Variants in PCLO observed in about 807,000 individuals in gnomAD.
PCLO encodes piccolo presynaptic cytomatrix protein.
A neutral mutation model predicts 427.5 loss-of-function variants in PCLO; 82 were observed. The ratio of observed to expected loss-of-function variants is 0.19; its 90% CI spans 0.16 to 0.23. The LOEUF is 0.23. Ranked by LOEUF, PCLO falls within the 10% of genes least tolerant of loss-of-function variation. The pLI, the probability that PCLO is intolerant of heterozygous loss-of-function variation, is 1.00. For synonymous variants in PCLO, 2,357 were observed against 2,155.4 expected (o/e 1.09, Z -2.59); for missense variants, 6,239 against 6,115.9 (o/e 1.02, Z -0.67).
At chr7:82,799,230 T>C (rs1199941897) in intron 22 of PCLO, among the ~76,000 whole-genome samples, 1 of 152,194 alleles carries the variant, frequency 6.6e-6, no homozygotes, top group Non-Finnish European at 1.5e-5. Flanking sequence ...TAGCTGCTAA[T>C]TGTATAGATG....
chr7:82,984,383 C>A (rs955891255), intron 3 of PCLO, among the ~76,000 whole-genome samples: 1 of 148,540 alleles, frequency 6.7e-6, no homozygotes, highest in Middle Eastern at 3.3e-3. Context: ...TGTCTATTCA[C>A]CTTAGTTTAT....
At chr7:82,849,014 C>A in intron 10 of PCLO, 1 of 256,254 alleles carries the variant, frequency 3.9e-6, no homozygotes, top group Non-Finnish European at 8.3e-6. Flanking sequence ...AAATAAAGCA[C>A]TTTTTTTAAA....
At chr7:82,937,901 T>C (rs995321719) in intron 6 of PCLO, among the ~76,000 whole-genome samples, 2 of 151,902 alleles carry the variant, frequency 1.3e-5, no homozygotes, top group East Asian at 3.8e-4. Flanking sequence ...GTCTCCCTTT[T>C]TAAACTCATG....
chr7:83,023,895 AGC>A (rs2116077107), intron 3 of PCLO, among the ~76,000 whole-genome samples: 1 of 152,352 alleles, frequency 6.6e-6, no homozygotes, highest in African/African-American at 2.4e-5. Context: ...AAATTCCAAT[AGC>A]CATTCCTAGA....
chr7:82,841,721 G>C (rs895925621), intron 13 of PCLO, among the ~76,000 whole-genome samples: 32 of 151,898 alleles, frequency 2.1e-4, no homozygotes, highest in African/African-American at 6.0e-4. Context: ...TTTTCATTTT[G>C]GTAAGCCGGC....
chr7:82,794,450 A>ATTTTTTTTGTTTTTTTTTTTTTTTTT (rs141105612), intron 22 of PCLO, among the ~76,000 whole-genome samples: 1 of 62,030 alleles, frequency 1.6e-5, no homozygotes, highest in Non-Finnish European at 3.9e-5. Context: ...TAGTTCATAA[A>ATTTTTTTTGTTTTTTTTTTTTTTTTT]TTTTTTTTCT....
At chr7:82,763,302 C>G (rs1790468068) in intron 22 of PCLO, among the ~76,000 whole-genome samples, 1 of 152,014 alleles carries the variant, frequency 6.6e-6, no homozygotes, top group Non-Finnish European at 1.5e-5. Flanking sequence ...TTACTTTGCA[C>G]TACCAATATA....
At chr7:82,761,542 A>T (rs760982578) in intron 22 of PCLO, 49 bp from the exon 23 acceptor site, 28 of 1,391,744 alleles carry the variant, frequency 2.0e-5, no homozygotes, top group Admixed American at 3.6e-5. Context: ...GCCATATATG[A>T]AATGTTTAGT....
chr7:82,823,457 T>C lies in PCLO; in HGVS notation c.14597-768A>G, dbSNP rs902616218. On this transcript the variant is annotated intron_variant, in intron 19 of 24. Coordinates refer to ENST00000333891, the MANE Select transcript of PCLO (RefSeq NM_033026.6). Reference sequence around the variant, plus strand: ...AGTCCAATATAAAAATTATATTTAATACTTACAAATAGTTCAGTATATCTA... The same window carrying C: ...AGTCCAATATAAAAATTATATTTAACACTTACAAATAGTTCAGTATATCTA... 1.4e-4 allele frequency among the ~76,000 whole-genome samples: 21 copies of C among 152,264 alleles called. 1 individual carries two copies. Among genetic ancestry groups the C allele is most frequent in the African/African-American group, 4.8e-4 (20 of 41,560 alleles).
Position 83,093,492 on chromosome 7 carries a change from A to ATATATAT in PCLO, c.3300+40757_3300+40758insATATATA. Among the ~76,000 whole-genome samples, 8 of 59,320 alleles carry ATATATAT rather than the reference A, an allele frequency of 1.3e-4. No individual in the cohort carries two copies. In the South Asian group the frequency reaches 1.8e-3, roughly 13 times the overall value. The allele number at this position is 59,320 out of a possible 152,430, so 38.9% of individuals were successfully genotyped here. A position where few individuals can be genotyped will look rare whatever the true frequency, so the allele number is the denominator to read the frequency against. On this transcript the variant is annotated intron_variant, in intron 3 of 24. Coordinates refer to ENST00000333891, the MANE Select transcript of PCLO (RefSeq NM_033026.6). ...TGTGTGTATAGATATATATATATATATTTTTTTTTTTTTTTTTTGAGATGG... is the reference window on the plus strand; with the variant it reads ...TGTGTGTATAGATATATATATATATATATATATTTTTTTTTTTTTTTTTTTGAGATGG...
chr7:82,874,277 T>C (rs1793315596), intron 10 of PCLO, among the ~76,000 whole-genome samples: 1 of 152,080 alleles, frequency 6.6e-6, no homozygotes, highest in African/African-American at 2.4e-5. Flanking sequence ...AAGGTCAAGG[T>C]ACACAATAGA....
chr7:82,863,672 T>A (rs1793021490), intron 10 of PCLO, among the ~76,000 whole-genome samples: 1 of 151,994 alleles, frequency 6.6e-6, no homozygotes, highest in African/African-American at 2.4e-5. Flanking sequence ...GCCAACTGAA[T>A]AGAATAAAAC....
chr7:82,847,081 A>T, intron 11 of PCLO, 58 bp downstream of exon 11: 1 of 859,596 alleles, frequency 1.2e-6, no homozygotes, highest in South Asian at 1.5e-5. Context: ...AACAATTTTA[A>T]ATTAAAAGAG....
chr7:82,779,139 T>C (rs1790817059), intron 22 of PCLO, among the ~76,000 whole-genome samples: 1 of 152,160 alleles, frequency 6.6e-6, no homozygotes, highest in Non-Finnish European at 1.5e-5. Flanking sequence ...ACAGATATTA[T>C]GAGTATTTTG....
At chr7:83,043,912 C>A (rs201281247) in intron 3 of PCLO, among the ~76,000 whole-genome samples, 1 of 94,910 alleles carries the variant, frequency 1.1e-5, no homozygotes, top group Non-Finnish European at 2.0e-5. Context: ...CTATTATTTT[C>A]TTTTTTTTTT....
intron 9 of PCLO, among the ~76,000 whole-genome samples, chr7:82,887,911 G>T (rs753094419): frequency 2.6e-5 from 4 of 151,740 alleles, no homozygotes; most frequent in Non-Finnish European, 5.9e-5. Flanking sequence ...CTACTAAAAA[G>T]CTACAAAAAT....
intron 3 of PCLO, among the ~76,000 whole-genome samples, chr7:83,110,614 C>A (rs569134338): frequency 6.6e-6 from 1 of 152,192 alleles, no homozygotes; most frequent in Admixed American, 6.6e-5. Flanking sequence ...CTGATAACAT[C>A]CAAAATAAAA....
At chr7:83,033,520 C>T (rs1482020474) in intron 3 of PCLO, among the ~76,000 whole-genome samples, 1 of 152,128 alleles carries the variant, frequency 6.6e-6, no homozygotes, top group Non-Finnish European at 1.5e-5. Flanking sequence ...ATCCTTCCAT[C>T]CCACACCATC....
intron 2 of PCLO, among the ~76,000 whole-genome samples, chr7:83,147,263 T>C (rs1792019231): frequency 6.6e-6 from 1 of 152,064 alleles, no homozygotes; most frequent in Admixed American, 6.6e-5. Context: ...AATTAAATAA[T>C]ACATGTTTTT....
Sources: gnomAD v4.1 joint callset for allele counts (sites outside exome capture counted in the v4.1 genomes callset) on GRCh38, gnomAD v4.1.1 for gene constraint, MANE v1.5 for transcripts, NCBI Gene and HGNC (gene_info 2026-07-23, HGNC 2026-07-21) for gene names.